The following NT5DC1 variants were observed in gnomAD, a reference collection of about 807,000 sequenced individuals.
NT5DC1 encodes the protein 5'-nucleotidase domain-containing protein 1.
NT5DC1 carries 42 observed loss-of-function variants against 59.4 expected under a neutral mutation model. That is an observed-to-expected ratio of 0.71 (90% CI 0.55 to 0.92). The LOEUF is 0.92. NT5DC1 is among the 40% of genes least tolerant of loss of function. The pLI, the probability that NT5DC1 is intolerant of heterozygous loss-of-function variation, is 0.00. For missense variants in NT5DC1, 501 were observed against 537.1 expected (o/e 0.93, Z 0.66); for synonymous variants, 172 against 188.1 (o/e 0.91, Z 0.70).
At chr6:116,242,494 A>AG (rs1445597910) in intron 11 of NT5DC1, among the ~76,000 whole-genome samples, 2 of 147,774 alleles carry the variant, frequency 1.4e-5, no homozygotes, top group Non-Finnish European at 1.5e-5. Context: ...AAAAAAAAAA[A>AG]AGAGAGAGAG....
intron 6 of NT5DC1, among the ~76,000 whole-genome samples, chr6:116,214,378 T>G (rs1458939626): frequency 6.6e-6 from 1 of 152,192 alleles, no homozygotes; most frequent in Non-Finnish European, 1.5e-5. Context: ...GACACAGATT[T>G]GAGCATTTTT....
intron 6 of NT5DC1, among the ~76,000 whole-genome samples, chr6:116,149,232 T>C (rs1459814797): frequency 6.6e-6 from 1 of 152,212 alleles, no homozygotes; most frequent in Non-Finnish European, 1.5e-5. Context: ...ACAATTTAAG[T>C]TACTAGGTGA....
chr6:116,109,644 A>G (rs1778835122), intron 3 of NT5DC1, among the ~76,000 whole-genome samples: 2 of 152,188 alleles, frequency 1.3e-5, no homozygotes, highest in Non-Finnish European at 1.5e-5. Context: ...CAACCAGTGT[A>G]GTAGATTCCT....
At chr6:116,237,376 G>T (rs1488813380) in intron 9 of NT5DC1, 13 of 534,878 alleles carry the variant, frequency 2.4e-5, no homozygotes, top group Non-Finnish European at 4.3e-5. Context: ...CTAGCTTAAA[G>T]ATACACTTGT....
At chr6:116,199,999 T>TGG (rs57087378) in intron 6 of NT5DC1, among the ~76,000 whole-genome samples, 4 of 115,462 alleles carry the variant, frequency 3.5e-5, no homozygotes, top group African/African-American at 1.1e-4. Context: ...GTATGGAAAG[T>TGG]GGGGGGGGAA....
At chr6:116,142,397 G>T (rs1779790136) in intron 6 of NT5DC1, among the ~76,000 whole-genome samples, 1 of 151,160 alleles carries the variant, frequency 6.6e-6, no homozygotes. Flanking sequence ...CCTCTTTCAG[G>T]TTTCATTTTT....
chr6:116,233,088 A>G (rs1314188859), intron 8 of NT5DC1, among the ~76,000 whole-genome samples: 1 of 152,198 alleles, frequency 6.6e-6, no homozygotes. Context: ...GGGTTTGAGG[A>G]ATAATTTGTA....
intron 6 of NT5DC1, among the ~76,000 whole-genome samples, chr6:116,152,834 C>T (rs1780080577): frequency 6.6e-6 from 1 of 152,056 alleles, no homozygotes. Flanking sequence ...TTGCTAAATC[C>T]AGTTATTTAT....
In NT5DC1 at chr6:116,108,433, C is replaced by T. The variant is rs375660172; in HGVS notation, c.255C>T (p.Leu85=). The T allele has an allele frequency of 2.8e-5, 44 of 1,589,684 alleles. No homozygotes were observed. The highest frequency in any genetic ancestry group is 3.7e-5 in the Non-Finnish European group (43 of 1,157,994). Residue 85 remains leucine, a splice_region_variant and synonymous_variant, in exon 3 of 12, where the codon CTC becomes CTT. Coordinates refer to ENST00000319550, the MANE Select transcript of NT5DC1 (RefSeq NM_152729.3). ...AACTTGCAAATAATGGCACTGTTCT[C>T]AGGTAATAAAACTTAGTTGTGAAGT... ...FLKLANNGTV[L]RASHGTKMMT...
rs1771888813 is a variant in NT5DC1, at chr6:116,248,514, A to T, written c.*4490A>T. ...TAAGGACGTTGAGTTAACTGGAGATAAAGCAGCAGCACGAGGAGTAATGGG... is the reference window on the plus strand; with the variant it reads ...TAAGGACGTTGAGTTAACTGGAGATTAAGCAGCAGCACGAGGAGTAATGGG... On this transcript the variant is annotated 3_prime_UTR_variant, in exon 12 of 12. Coordinates refer to ENST00000319550, the MANE Select transcript of NT5DC1 (RefSeq NM_152729.3). 2 of 152,250 alleles carry T rather than the reference A, an allele frequency of 1.3e-5. No individual in the cohort carries two copies. Among genetic ancestry groups the T allele is most frequent in the Admixed American group, 1.3e-4 (2 of 15,284 alleles). The allele number at this position is 152,250 out of a possible 1,614,324, so 9.4% of individuals were successfully genotyped here. A position where few individuals can be genotyped will look rare whatever the true frequency, so the allele number is the denominator to read the frequency against.
rs1278334157 is a variant in NT5DC1, at chr6:116,246,976, G to A, written c.*2952G>A. ...TTTACTCTCTATAGCAACCATATGA[G>A]ATGTATATAATTATTAAATTGTACA... On this transcript the variant is annotated 3_prime_UTR_variant, in exon 12 of 12. Transcript: ENST00000319550. The A allele has an allele frequency of 6.6e-6, 1 of 152,150 alleles. No individual in the cohort carries two copies. Among genetic ancestry groups the A allele is most frequent in the Non-Finnish European group, 1.5e-5 (1 of 68,014 alleles). 9.4% of individuals were successfully genotyped at this position (152,150 alleles called of 1,614,324 possible). A position where few individuals can be genotyped will look rare whatever the true frequency, so the allele number is the denominator to read the frequency against.
intron 6 of NT5DC1, chr6:116,121,114 T>C (rs769241256): frequency 1.7e-5 from 28 of 1,613,594 alleles, no homozygotes; most frequent in Admixed American, 8.3e-5. Context: ...CAGTCAGACC[T>C]GGCTTCCCAG....
intron 7 of NT5DC1, 22 bp from the exon 8 acceptor site, chr6:116,223,012 T>A: frequency 5.5e-6 from 7 of 1,272,952 alleles, no homozygotes; most frequent in Non-Finnish European, 8.0e-6. Flanking sequence ...AATAAACTTA[T>A]GAAAAATTGT....
chr6:116,139,497 T>C (rs924541301), intron 6 of NT5DC1, among the ~76,000 whole-genome samples: 39 of 152,288 alleles, frequency 2.6e-4, no homozygotes, highest in African/African-American at 8.9e-4. Context: ...ATACACATTG[T>C]ATACTACAGT....
Position 116,238,322 on chromosome 6 carries a change from C to T in NT5DC1, c.1057C>T (p.Pro353Ser). Residue 353 changes from proline to serine, a missense_variant, in exon 10 of 12, where the codon CCT becomes TCT. Transcript: ENST00000319550. Reference sequence around the variant, plus strand: ...GAGTCAGAGGCCTGAGGAGTCAGAGCCTCTAGAGAAGAAAGGAAAATATGA... The same window carrying T: ...GAGTCAGAGGCCTGAGGAGTCAGAGTCTCTAGAGAAGAAAGGAAAATATGA... ...TRSQRPEESEPLEKKGKYEGP... is the reference protein window; with the variant it reads ...TRSQRPEESESLEKKGKYEGP... The T allele has an allele frequency of 6.2e-6, 10 of 1,602,432 alleles. No individual in the cohort carries two copies. The highest frequency in any genetic ancestry group is 8.5e-6 in the Non-Finnish European group (10 of 1,175,962).
chr6:116,157,926 G>A (rs1039170608), intron 6 of NT5DC1, among the ~76,000 whole-genome samples: 8 of 152,126 alleles, frequency 5.3e-5, no homozygotes, highest in Non-Finnish European at 1.0e-4. Flanking sequence ...TGTCTCAAAC[G>A]TGTTACAGGA....
At chr6:116,166,634 T>C (rs539990554) in intron 6 of NT5DC1, among the ~76,000 whole-genome samples, 2 of 152,338 alleles carry the variant, frequency 1.3e-5, no homozygotes, top group East Asian at 1.9e-4. Context: ...CATCCTTTTC[T>C]ACATGCTGAT....
At chr6:116,189,292 G>A (rs1037665510) in intron 6 of NT5DC1, among the ~76,000 whole-genome samples, 1 of 151,754 alleles carries the variant, frequency 6.6e-6, no homozygotes, top group Non-Finnish European at 1.5e-5. Context: ...TTGTGCATGT[G>A]TATATTTTTT....
At chr6:116,172,417 G>A (rs1780631384) in intron 6 of NT5DC1, among the ~76,000 whole-genome samples, 2 of 150,870 alleles carry the variant, frequency 1.3e-5, no homozygotes, top group Admixed American at 6.6e-5. Context: ...TACCTCCCGG[G>A]TTCAGGCAAT....
Sources: allele counts gnomAD v4.1 joint callset (sites outside exome capture counted in the v4.1 genomes callset), GRCh38; gene constraint gnomAD v4.1.1; transcripts MANE v1.5; gene names NCBI Gene and HGNC (gene_info 2026-07-23, HGNC 2026-07-21).